Variants in UBN1 observed in about 807,000 individuals in gnomAD.
UBN1 encodes ubinuclein-1.
UBN1 carries 17 observed loss-of-function variants against 108.5 expected under a neutral mutation model. The ratio of observed to expected loss-of-function variants is 0.16; its 90% CI spans 0.11 to 0.24. The LOEUF (loss-of-function observed/expected upper bound fraction) is 0.24. Among genes scored for constraint, UBN1 ranks in the 10% least tolerant of loss-of-function variants. The pLI is 1.00. For synonymous variants in UBN1, 726 were observed against 564.2 expected (o/e 1.29, Z -4.07); for missense variants, 1,595 against 1,394.4 (o/e 1.14, Z -2.29).
At position 4,874,925 on chromosome 16, in the gene UBN1, C is replaced by T. The variant is rs377134221; in HGVS notation, c.2515C>T (p.Arg839Cys). The change falls in exon 15 of 18, where the codon CGT becomes TGT. Residue 839 changes from arginine (R) to cysteine (C), a missense_variant. Physicochemically the swap from Arg to Cys is radical, Grantham distance 180. Coordinates refer to ENST00000262376, the MANE Select transcript of UBN1 (RefSeq NM_001079514.3). Reference sequence around the variant, plus strand: ...AAAGGCTTCTCCCACACAGTGTCATCGTTCCCTCCTGCAGTTAGTGAAGAC... The same window carrying T: ...AAAGGCTTCTCCCACACAGTGTCATTGTTCCCTCCTGCAGTTAGTGAAGAC... ...GPKASPTQCH[R>C]SLLQLVKTAA... 32 of 1,614,142 alleles carry T rather than the reference C, an allele frequency of 2.0e-5. No individual in the cohort carries two copies. The highest frequency in any genetic ancestry group is 1.3e-5 in the Non-Finnish European group (15 of 1,180,050).
At chr16:4,873,147 G>C in intron 14 of UBN1, 74 bp downstream of exon 14, 19 of 1,592,118 alleles carry the variant, frequency 1.2e-5, no homozygotes, top group Middle Eastern at 3.3e-4. Context: ...ACAGTCAAGT[G>C]ACTGTGGAAG....
rs774629219 is a variant in UBN1, at chr16:4,877,493, G to A, written c.3355+19G>A. The A allele has an allele frequency of 7.5e-6, 12 of 1,604,000 alleles. No homozygotes were observed. The highest frequency in any genetic ancestry group is 1.7e-4 in the Middle Eastern group (1 of 6,030). The stretch of plus-strand genomic sequence containing the variant: ...CTGCCAGGTAATCACCCGACGGTCA[G>A]TGTGCCACGCGCACCGTGTGCCTTT... On this transcript the variant is annotated intron_variant, in intron 17 of 17. Transcript: ENST00000262376. This position sits in a 1 kb window ranked among gnomAD's most constrained non-coding sequence, Gnocchi z 4.3.
chr16:4,877,216 C>T lies in UBN1; in HGVS notation c.3265+105C>T. 2.0e-6 allele frequency: 3 copies of T among 1,517,308 alleles called. No homozygotes were observed. The Admixed American group carries it at 6.2e-5, about 31-fold the overall frequency. 94.0% of individuals were successfully genotyped at this position (1,517,308 alleles called of 1,614,324 possible). On this transcript the variant is annotated intron_variant, in intron 16 of 17. Transcript: ENST00000262376. The surrounding 1 kb of genome is among the most constrained non-coding windows in gnomAD (Gnocchi z 4.3). ...TCCTGTGTTTGAGTCTGGTGTGTGA[C>T]TGTGGGGAACATCTCCGGGAACTGT...
intron 14 of UBN1, 124 bp from the exon 15 acceptor site, chr16:4,874,087 G>A (rs901468224): frequency 3.2e-6 from 4 of 1,231,362 alleles, no homozygotes; most frequent in Admixed American, 2.4e-5. Flanking sequence ...CCCACCACTT[G>A]TCTTGTAATT....
At chr16:4,863,133 G>C (rs558414280) in intron 7 of UBN1, among the ~76,000 whole-genome samples, 6 of 152,288 alleles carry the variant, frequency 3.9e-5, no homozygotes, top group Non-Finnish European at 7.4e-5. Context: ...TTCTTTTCTA[G>C]CCTCTGTGTA....
At chr16:4,862,687 G>A (rs888976700) in intron 7 of UBN1, among the ~76,000 whole-genome samples, 2 of 152,228 alleles carry the variant, frequency 1.3e-5, no homozygotes, top group South Asian at 2.1e-4. Flanking sequence ...GTCCCCACTC[G>A]TGCCATAGGT....
rs545385633 is a variant in UBN1, at chr16:4,873,082, G to C, written c.1800+9G>C. 6.2e-7 allele frequency: 1 copy of C among 1,614,208 alleles called. No homozygotes were observed. The highest frequency in any genetic ancestry group is 8.5e-7 in the Non-Finnish European group (1 of 1,180,036). On this transcript the variant is annotated intron_variant, in intron 14 of 17. Coordinates refer to ENST00000262376, the MANE Select transcript of UBN1 (RefSeq NM_001079514.3). ...CTAAAATCAAGGTGAAGGTGAGTCA[G>C]TTTGCTCGGGTCACATGTCAGCTAT...
intron 2 of UBN1, among the ~76,000 whole-genome samples, chr16:4,856,848 A>G (rs559235803): frequency 5.9e-5 from 9 of 152,368 alleles, no homozygotes; most frequent in Middle Eastern, 3.4e-3. Context: ...TATGATCGTT[A>G]GATGTATGCT....
chr16:4,874,840 C>T lies in UBN1; in HGVS notation c.2430C>T (p.Gly810=). 1 of 1,614,050 alleles carries T rather than the reference C, an allele frequency of 6.2e-7. No homozygotes were observed. Among genetic ancestry groups the T allele is most frequent in the Non-Finnish European group, 8.5e-7 (1 of 1,180,042 alleles). The change falls in exon 15 of 18, where the codon GGC becomes GGT. Residue 810 remains glycine, a synonymous_variant. Coordinates refer to ENST00000262376, the MANE Select transcript of UBN1 (RefSeq NM_001079514.3). ...PGPQVKVFHA[G]TQQQKNFTPP... is the part of the protein sequence containing the mutation. ...CCCAGGTCAAAGTCTTTCATGCCGGCACTCAGCAGCAGAAAAACTTCACGC... is the reference window on the plus strand; with the variant it reads ...CCCAGGTCAAAGTCTTTCATGCCGGTACTCAGCAGCAGAAAAACTTCACGC...
At chr16:4,858,887 T>G in intron 4 of UBN1, 138 bp from the exon 5 acceptor site, 1 of 1,192,882 alleles carries the variant, frequency 8.4e-7, no homozygotes, top group Non-Finnish European at 1.2e-6. Flanking sequence ...GCTCAGACAT[T>G]CATGTTTGAC....
chr16:4,857,722 A>C (rs757454011), intron 2 of UBN1, among the ~76,000 whole-genome samples: 1 of 152,164 alleles, frequency 6.6e-6, no homozygotes, highest in Non-Finnish European at 1.5e-5. Flanking sequence ...TCTCCTTCTA[A>C]AGGCCCTTTG....
chr16:4,871,576 CTTTTTTTTTTTTTTT>C lies in UBN1; in HGVS notation c.1706+289_1706+303del, dbSNP rs35865064. Among the ~76,000 whole-genome samples the C allele has an allele frequency of 4.0e-3, 358 of 88,434 alleles. 1 individual carries two copies. Among genetic ancestry groups the C allele is most frequent in the Non-Finnish European group, 5.5e-3 (264 of 47,588 alleles). The allele number at this position is 88,434 out of a possible 152,430, so 58.0% of individuals were successfully genotyped here. A position where few individuals can be genotyped will look rare whatever the true frequency, so the allele number is the denominator to read the frequency against. The stretch of plus-strand genomic sequence containing the variant: ...GCCTCCCATCTCAATATGCACTTTC[CTTTTTTTTTTTTTTT>C]TTTTTTTTTTTTTGAGATGGAGTCT... On this transcript the variant is annotated intron_variant, in intron 12 of 17. Coordinates refer to ENST00000262376, the MANE Select transcript of UBN1 (RefSeq NM_001079514.3).
intron 7 of UBN1, among the ~76,000 whole-genome samples, chr16:4,868,325 G>T (rs10500326): frequency 0.21 from 31,297 of 152,176 alleles, 3,467 homozygotes; most frequent in Middle Eastern, 0.31. Flanking sequence ...CTGGCTAATA[G>T]AGAGCTCGTG....
chr16:4,850,529 G>C (rs893573165), intron 1 of UBN1, among the ~76,000 whole-genome samples: 7 of 152,158 alleles, frequency 4.6e-5, no homozygotes, highest in African/African-American at 1.7e-4. Context: ...ACAACCCAGC[G>C]CATCACAAAT....
intron 2 of UBN1, among the ~76,000 whole-genome samples, chr16:4,854,235 G>A (rs371845246): frequency 6.6e-6 from 1 of 151,650 alleles, no homozygotes; most frequent in Admixed American, 6.6e-5. Context: ...GCGTTTCAAT[G>A]TGTTAGTCAG....
At chr16:4,850,587 C>G (rs937973461) in intron 1 of UBN1, among the ~76,000 whole-genome samples, 1 of 152,196 alleles carries the variant, frequency 6.6e-6, no homozygotes, top group South Asian at 2.1e-4. Context: ...CCTTTAACAT[C>G]TTAGTACGTG....
Position 4,877,061 on chromosome 16 carries a change from C to T in UBN1, c.3215C>T (p.Ala1072Val), listed in dbSNP as rs772292948. 1 of 1,614,084 alleles carries T rather than the reference C, an allele frequency of 6.2e-7. No homozygotes were observed. Among genetic ancestry groups the T allele is most frequent in the Non-Finnish European group, 8.5e-7 (1 of 1,179,984 alleles). ...GCCAAAGCAGGGGTCTCCAAGGATG[C>T]CATCGTCACAGGCCCTGCCCCCGGG... ...SSAKAGVSKD[A>V]IVTGPAPGSF... Residue 1072 changes from alanine to valine, a missense_variant, in exon 16 of 18, where the codon GCC becomes GTC. Physicochemically the swap from Ala to Val is moderately conservative, Grantham distance 64 (BLOSUM62 0). Transcript: ENST00000262376. This position sits in a 1 kb window ranked among gnomAD's most constrained non-coding sequence, Gnocchi z 4.3.
intron 6 of UBN1, 60 bp downstream of exon 6, chr16:4,860,028 G>A (rs1328899331): frequency 6.9e-5 from 110 of 1,599,502 alleles, no homozygotes; most frequent in Non-Finnish European, 9.0e-5. Context: ...AGGACGACTG[G>A]GAGCTGACTC....
chr16:4,877,080 C>T lies in UBN1; in HGVS notation c.3234C>T (p.Ala1078=). The T allele has an allele frequency of 4.3e-6, 7 of 1,613,292 alleles. No individual in the cohort carries two copies. Among genetic ancestry groups the T allele is most frequent in the Non-Finnish European group, 5.9e-6 (7 of 1,179,652 alleles). ...AGGATGCCATCGTCACAGGCCCTGC[C>T]CCCGGGTCCTTCCACCATGGCCTTG... The part of the protein sequence containing the change: ...VSKDAIVTGP[A]PGSFHHGLGH... The change falls in exon 16 of 18, where the codon GCC becomes GCT. Residue 1078 remains alanine, a synonymous_variant. Coordinates refer to ENST00000262376, the MANE Select transcript of UBN1 (RefSeq NM_001079514.3). This position sits in a 1 kb window ranked among gnomAD's most constrained non-coding sequence, Gnocchi z 4.3.
Sources: allele counts gnomAD v4.1 joint callset (sites outside exome capture counted in the v4.1 genomes callset), GRCh38; gene constraint gnomAD v4.1.1; non-coding constraint Gnocchi (gnomAD v3.1); transcripts MANE v1.5; gene names NCBI Gene and HGNC (gene_info 2026-07-23, HGNC 2026-07-21).